The following TMEM132B variants were observed in gnomAD, a reference collection of about 807,000 sequenced individuals.
The protein encoded by TMEM132B is transmembrane protein 132B.
A neutral mutation model predicts 90.8 loss-of-function variants in TMEM132B; 18 were observed. The ratio of observed to expected loss-of-function variants is 0.20; its 90% CI spans 0.14 to 0.29. TMEM132B has a LOEUF of 0.29. Among genes scored for constraint, TMEM132B ranks in the 10% least tolerant of loss-of-function variants. The probability of loss-of-function intolerance (pLI) is 1.00; values close to 1 mark genes in which losing one functional copy is unlikely to be tolerated. For synonymous variants in TMEM132B, 504 were observed against 523.3 expected (o/e 0.96, Z 0.50); for missense variants, 1,096 against 1,326.8 (o/e 0.83, Z 2.70).
rs1462127318 is a variant in TMEM132B at position 125,445,584 on chromosome 12, T to G, written c.1106+29907T>G. Reference sequence around the variant, plus strand: ...TTTTCCTGCTGACATCTGGCTGCAGTGGTGCATGGGCAGGACATCCAGTGT... The same window carrying G: ...TTTTCCTGCTGACATCTGGCTGCAGGGGTGCATGGGCAGGACATCCAGTGT... On this transcript the variant is annotated intron_variant, in intron 3 of 8. Coordinates refer to ENST00000682704, the MANE Select transcript of TMEM132B (RefSeq NM_001366854.1). This position sits in a 1 kb window ranked among gnomAD's most constrained non-coding sequence, Gnocchi z 4.3. 6.6e-6 allele frequency among the ~76,000 whole-genome samples: 1 copy of G among 152,220 alleles called. No individual in the cohort carries two copies. The highest frequency in any genetic ancestry group is 1.5e-5 in the Non-Finnish European group (1 of 68,042).
chr12:125,472,466 C>A (rs1405928699), intron 3 of TMEM132B, among the ~76,000 whole-genome samples: 1 of 152,176 alleles, frequency 6.6e-6, no homozygotes, highest in Non-Finnish European at 1.5e-5. Context: ...GTCCTCACAG[C>A]CCATTGTCTG....
chr12:125,193,058 A>C (rs1312042753), intron 1 of TMEM132B, among the ~76,000 whole-genome samples: 1 of 152,182 alleles, frequency 6.6e-6, no homozygotes, highest in African/African-American at 2.4e-5. Flanking sequence ...AGCACAGGGC[A>C]CGAGTCCCAG....
At chr12:125,489,779 T>C (rs902194896) in intron 3 of TMEM132B, among the ~76,000 whole-genome samples, 17 of 152,208 alleles carry the variant, frequency 1.1e-4, no homozygotes, top group Non-Finnish European at 1.5e-5. Flanking sequence ...TCTCCTGTAA[T>C]ATCACATTAA....
At chr12:125,553,982 G>A (rs967508123) in intron 4 of TMEM132B, among the ~76,000 whole-genome samples, 1 of 152,042 alleles carries the variant, frequency 6.6e-6, no homozygotes, top group Non-Finnish European at 1.5e-5. Context: ...AAAAAGTCCT[G>A]TCAGAACATT....
At chr12:125,620,242 A>G (rs550434280) in intron 5 of TMEM132B, among the ~76,000 whole-genome samples, 35 of 152,352 alleles carry the variant, frequency 2.3e-4, no homozygotes, top group African/African-American at 8.4e-4. Flanking sequence ...GATTTTTAAT[A>G]TCTATACATT....
intron 5 of TMEM132B, among the ~76,000 whole-genome samples, chr12:125,614,541 G>A (rs1236000343): frequency 6.6e-6 from 1 of 152,084 alleles, no homozygotes; most frequent in East Asian, 1.9e-4. Flanking sequence ...TAGATTCCAT[G>A]TCTTTGCTAT....
chr12:125,364,879 T>C (rs1305777062), intron 2 of TMEM132B, among the ~76,000 whole-genome samples: 3 of 152,084 alleles, frequency 2.0e-5, no homozygotes, highest in Non-Finnish European at 4.4e-5. Context: ...CAAATTCACT[T>C]ATCTGTATCT....
At chr12:125,395,357 A>G (rs1449694255) in intron 2 of TMEM132B, among the ~76,000 whole-genome samples, 2 of 152,258 alleles carry the variant, frequency 1.3e-5, no homozygotes, top group Non-Finnish European at 2.9e-5. Flanking sequence ...GTTTAATTCC[A>G]TAAAAGGTCA....
intron 3 of TMEM132B, among the ~76,000 whole-genome samples, chr12:125,435,791 C>G (rs1227541163): frequency 6.6e-6 from 1 of 152,084 alleles, no homozygotes; most frequent in Admixed American, 6.5e-5. Flanking sequence ...AGGTGCTGGA[C>G]TGGAGGCCTG....
intron 5 of TMEM132B, among the ~76,000 whole-genome samples, chr12:125,589,312 C>T (rs1593008571): frequency 1.3e-5 from 2 of 151,998 alleles, no homozygotes; most frequent in African/African-American, 2.4e-5. Context: ...GAAACCCTGT[C>T]TCTACTAAAA....
At chr12:125,653,188 T>G (rs1886971178) in intron 8 of TMEM132B, among the ~76,000 whole-genome samples, 1 of 152,266 alleles carries the variant, frequency 6.6e-6, no homozygotes, top group Admixed American at 6.5e-5. Flanking sequence ...GGCTTCTTAA[T>G]GAAGAGTGTT....
At chr12:125,191,567 G>A (rs975930524) in intron 1 of TMEM132B, among the ~76,000 whole-genome samples, 1 of 152,194 alleles carries the variant, frequency 6.6e-6, no homozygotes. Flanking sequence ...CCAGGTGGTG[G>A]GTAGTCGTTA....
intron 2 of TMEM132B, among the ~76,000 whole-genome samples, chr12:125,353,480 G>A (rs981429091): frequency 2.6e-5 from 4 of 152,228 alleles, no homozygotes; most frequent in South Asian, 2.1e-4. Flanking sequence ...ATTTCAGGCC[G>A]GGCAGTGGCA....
At chr12:125,325,764 A>C (rs938311678) in intron 1 of TMEM132B, among the ~76,000 whole-genome samples, 4 of 150,038 alleles carry the variant, frequency 2.7e-5, no homozygotes, top group African/African-American at 9.8e-5. Flanking sequence ...TGTTGTTTCC[A>C]ACTTTTCAGG....
Position 125,588,521 on chromosome 12 carries a change from T to G in TMEM132B, c.1437+4527T>G, listed in dbSNP as rs182886443. ...ATTTTCGTATTTTTTATAGAGACAG[T>G]TTTTCCGTGTTGCCTAGGCTGGTCT... On this transcript the variant is annotated intron_variant, in intron 5 of 8. Coordinates refer to ENST00000682704, the MANE Select transcript of TMEM132B (RefSeq NM_001366854.1). 3.3e-5 allele frequency: 5 copies of G among 152,144 alleles called. No homozygotes were observed. The East Asian group carries it at 9.7e-4, about 29-fold the overall frequency. 9.4% of individuals were successfully genotyped at this position (152,144 alleles called of 1,614,324 possible).
At chr12:125,190,890 G>A (rs1357943811) in intron 1 of TMEM132B, among the ~76,000 whole-genome samples, 1 of 57,352 alleles carries the variant, frequency 1.7e-5, no homozygotes, top group Non-Finnish European at 3.5e-5. Context: ...TGATGGTGAT[G>A]GGGAAGGGGT....
chr12:125,276,078 G>T (rs944681063), intron 1 of TMEM132B, among the ~76,000 whole-genome samples: 5 of 152,214 alleles, frequency 3.3e-5, no homozygotes, highest in African/African-American at 1.2e-4. Flanking sequence ...ATCCATGGGT[G>T]TTTGACTCTG....
intron 4 of TMEM132B, among the ~76,000 whole-genome samples, chr12:125,520,546 A>G (rs1465184338): frequency 6.6e-6 from 1 of 152,026 alleles, no homozygotes; most frequent in African/African-American, 2.4e-5. Flanking sequence ...CTCTGCTGGA[A>G]CACACTTTCC....
intron 1 of TMEM132B, among the ~76,000 whole-genome samples, chr12:125,258,374 A>G (rs1874487399): frequency 6.6e-6 from 1 of 152,174 alleles, no homozygotes; most frequent in Non-Finnish European, 1.5e-5. Context: ...GGAAGGCTCT[A>G]TGCTGGTGGT....
Sources: allele counts gnomAD v4.1 joint callset (sites outside exome capture counted in the v4.1 genomes callset), GRCh38; gene constraint gnomAD v4.1.1; non-coding constraint Gnocchi (gnomAD v3.1); transcripts MANE v1.5; gene names NCBI Gene and HGNC (gene_info 2026-07-23, HGNC 2026-07-21).